Variants in KCNN3 observed in about 807,000 individuals in gnomAD.
KCNN3 encodes potassium calcium-activated channel subfamily N member 3.
Under a neutral mutation model 62.9 loss-of-function variants are expected in KCNN3, and 16 were observed. That is an observed-to-expected ratio of 0.25 (90% CI 0.17 to 0.39). The LOEUF (loss-of-function observed/expected upper bound fraction) is 0.39, where lower values mean the gene tolerates loss of function less well. KCNN3 is among the 10% of genes least tolerant of loss of function. The pLI is 1.00. For synonymous variants in KCNN3, 370 were observed against 389.2 expected, an observed-to-expected ratio of 0.95 and a Z score of 0.58; for missense variants, 599 against 949.4, an observed-to-expected ratio of 0.63 and a Z score of 4.85.
rs562218572 is a variant in KCNN3 at position 154,781,627 on chromosome 1, G to T, written c.1030-9234C>A. Among the ~76,000 whole-genome samples the T allele has an allele frequency of 2.0e-5, 3 of 152,312 alleles. No homozygotes were observed. In the South Asian group the frequency reaches 6.2e-4, roughly 32 times the overall value. On this transcript the variant is annotated intron_variant, in intron 2 of 7. Transcript: ENST00000271915. ...CTTTGGATGGACCAGCTGGTCTCTA[G>T]TTGTAAGGAGAGACAAGGTGTGATG...
intron 1 of KCNN3, among the ~76,000 whole-genome samples, chr1:154,846,660 C>T (rs1218552153): frequency 6.6e-6 from 1 of 152,166 alleles, no homozygotes; most frequent in African/African-American, 2.4e-5. Flanking sequence ...AGCCAGTTTC[C>T]ATGGGGCTGG....
intron 3 of KCNN3, among the ~76,000 whole-genome samples, chr1:154,740,269 T>C (rs1013903702): frequency 1.3e-5 from 2 of 152,222 alleles, no homozygotes; most frequent in African/African-American, 4.8e-5. Flanking sequence ...ACAAACATTA[T>C]TTTTTATTGA....
intron 5 of KCNN3, among the ~76,000 whole-genome samples, chr1:154,716,505 AT>A (rs1406240211): frequency 2.6e-4 from 40 of 152,334 alleles, no homozygotes; most frequent in African/African-American, 8.9e-4. Flanking sequence ...CCTAGGAAAC[AT>A]TGTTTTGCAG....
rs1699827690 is a variant in KCNN3 at position 154,700,360 on chromosome 1, A to T, written c.*7616T>A. The stretch of plus-strand genomic sequence containing the variant: ...AGCAAGGGTTAGCATATAGCCATGG[A>T]CTTGAATTACTGTCAAGAGGTCTGC... On this transcript the variant is annotated 3_prime_UTR_variant, in exon 8 of 8. Coordinates refer to ENST00000271915, the MANE Select transcript of KCNN3 (RefSeq NM_002249.6). The T allele has an allele frequency of 6.6e-6, 1 of 152,226 alleles. No individual in the cohort carries two copies. The highest frequency in any genetic ancestry group is 2.1e-4 in the South Asian group (1 of 4,834). The allele number at this position is 152,226 out of a possible 1,614,324, so 9.4% of individuals were successfully genotyped here.
intron 4 of KCNN3, among the ~76,000 whole-genome samples, chr1:154,726,858 G>A (rs1333873457): frequency 1.3e-5 from 2 of 152,190 alleles, no homozygotes; most frequent in African/African-American, 2.4e-5. Context: ...AGGGGAGCCC[G>A]GGGGAGGGTG....
At chr1:154,787,335 C>A (rs1288952878) in intron 2 of KCNN3, among the ~76,000 whole-genome samples, 1 of 151,064 alleles carries the variant, frequency 6.6e-6, no homozygotes, top group Non-Finnish European at 1.5e-5. Flanking sequence ...GGGACCAGGG[C>A]CAGGGCCAGG....
chr1:154,739,885 C>G (rs578157393), intron 3 of KCNN3, among the ~76,000 whole-genome samples: 1 of 152,226 alleles, frequency 6.6e-6, no homozygotes, highest in Admixed American at 6.5e-5. Context: ...TTAAGTCAAG[C>G]CTTGAGGTGA....
intron 4 of KCNN3, among the ~76,000 whole-genome samples, chr1:154,731,375 G>A (rs1347141530): frequency 3.3e-5 from 5 of 152,224 alleles, no homozygotes; most frequent in East Asian, 1.9e-4. Flanking sequence ...AGCTGCTGTC[G>A]TAGGACCTGC....
chr1:154,786,548 A>G (rs1336425760), intron 2 of KCNN3, among the ~76,000 whole-genome samples: 1 of 152,242 alleles, frequency 6.6e-6, no homozygotes, highest in Non-Finnish European at 1.5e-5. Flanking sequence ...AACTTACAGC[A>G]TAATGGGTAT....
intron 2 of KCNN3, among the ~76,000 whole-genome samples, chr1:154,796,830 TC>T (rs1649755896): frequency 6.6e-6 from 1 of 152,244 alleles, no homozygotes; most frequent in Non-Finnish European, 1.5e-5. Context: ...ATAAGACACA[TC>T]TTTTTTTGAT....
intron 3 of KCNN3, among the ~76,000 whole-genome samples, chr1:154,749,084 G>A (rs1647226873): frequency 6.6e-6 from 1 of 152,164 alleles, no homozygotes; most frequent in Non-Finnish European, 1.5e-5. Context: ...AGACTGGTGG[G>A]GATTCTCTCT....
At chr1:154,785,463 T>G (rs1649237089) in intron 2 of KCNN3, among the ~76,000 whole-genome samples, 1 of 152,028 alleles carries the variant, frequency 6.6e-6, no homozygotes, top group African/African-American at 2.4e-5. Flanking sequence ...TGTCACCCCT[T>G]CAGGGGGAGC....
At chr1:154,826,826 C>T (rs915735728) in intron 1 of KCNN3, among the ~76,000 whole-genome samples, 5 of 152,250 alleles carry the variant, frequency 3.3e-5, no homozygotes, top group Admixed American at 2.6e-4. Flanking sequence ...TTTGGGTCAT[C>T]GCAAAAAGGA....
Position 154,729,654 on chromosome 1 carries a change from C to A in KCNN3, c.1590+3349G>T, listed in dbSNP as rs148121062. Among the ~76,000 whole-genome samples the A allele has an allele frequency of 4.6e-5, 7 of 152,240 alleles. No individual in the cohort carries two copies. The East Asian group carries it at 1.3e-3, about 29-fold the overall frequency. ...AAAGTGACAAATGGAGGAGGGAAGC[C>A]TGGAGGATTTACAGTTGGATTCTGT... On this transcript the variant is annotated intron_variant, in intron 4 of 7. Transcript: ENST00000271915.
chr1:154,714,814 T>C, intron 6 of KCNN3, 62 bp downstream of exon 6: 2 of 1,605,054 alleles, frequency 1.2e-6, no homozygotes, highest in Non-Finnish European at 1.7e-6. Flanking sequence ...CTGACAGAGT[T>C]GTAGGAGTCC....
chr1:154,822,454 C>T (rs558897587), intron 1 of KCNN3, among the ~76,000 whole-genome samples: 4 of 152,322 alleles, frequency 2.6e-5, no homozygotes, highest in African/African-American at 9.6e-5. Flanking sequence ...GCTACTTGGG[C>T]ATGATGTATT....
In KCNN3 at chr1:154,705,690, A is replaced by C. The variant is rs771671581; in HGVS notation, c.*2286T>G. 2 of 152,212 alleles carry C rather than the reference A, an allele frequency of 1.3e-5. No homozygotes were observed. The highest frequency in any genetic ancestry group is 2.9e-5 in the Non-Finnish European group (2 of 68,056). The allele number at this position is 152,212 out of a possible 1,614,324, so 9.4% of individuals were successfully genotyped here. A position where few individuals can be genotyped will look rare whatever the true frequency, so the allele number is the denominator to read the frequency against. ...CTTGCATGTCATTTGGTTGAAATTA[A>C]GACTAAATCTCTATATGTGCACACA... is the stretch of plus-strand genomic sequence containing the variant. On this transcript the variant is annotated 3_prime_UTR_variant, in exon 8 of 8. Coordinates refer to ENST00000271915, the MANE Select transcript of KCNN3 (RefSeq NM_002249.6).
At chr1:154,756,849 T>G (rs1255779843) in intron 3 of KCNN3, among the ~76,000 whole-genome samples, 3 of 152,166 alleles carry the variant, frequency 2.0e-5, no homozygotes. Flanking sequence ...AGGGAAAAAA[T>G]CATGTGTGTT....
intron 5 of KCNN3, 42 bp downstream of exon 5, chr1:154,725,874 G>T: frequency 6.8e-7 from 1 of 1,463,344 alleles, no homozygotes; most frequent in Non-Finnish European, 9.6e-7. Context: ...CTTCCACTGT[G>T]GCCTTAAGTC....
Sources: allele counts gnomAD v4.1 joint callset (sites outside exome capture counted in the v4.1 genomes callset), GRCh38; gene constraint gnomAD v4.1.1; transcripts MANE v1.5; gene names NCBI Gene and HGNC (gene_info 2026-07-23, HGNC 2026-07-21).